The following MRPL50 variants were observed in gnomAD, a reference collection of about 807,000 sequenced individuals.
The protein encoded by MRPL50 is large ribosomal subunit protein mL50.
In MRPL50, 10 loss-of-function variants were observed where a neutral mutation model predicts 16.2. That is an observed-to-expected ratio of 0.62 (90% CI 0.38 to 1.05). The LOEUF is 1.05. Among genes scored for constraint, MRPL50 ranks in the 50% least tolerant of loss-of-function variants. MRPL50 has a pLI of 0.01. For synonymous variants in MRPL50, 68 were observed against 66.8 expected (o/e 1.02, Z -0.09); for missense variants, 213 against 187.1 (o/e 1.14, Z -0.81).
At chr9:101,398,460 C>T in intron 1 of MRPL50, 41 bp downstream of exon 1, 1 of 1,575,240 alleles carries the variant, frequency 6.3e-7, no homozygotes, top group South Asian at 1.1e-5. Flanking sequence ...TCCTCCTTAA[C>T]TTTCCTTGAA....
rs781375636 is a variant in MRPL50 at position 101,390,645 on chromosome 9, G to A, written c.298C>T (p.Leu100Phe). Residue 100 changes from leucine (L) to phenylalanine (F), a missense_variant, in exon 2 of 2, where the codon CTT (leucine) becomes TTT (phenylalanine). Coordinates refer to ENST00000374865, the MANE Select transcript of MRPL50 (RefSeq NM_019051.3). The stretch of plus-strand genomic sequence containing the variant: ...AAGTCATCAGCTAAATGAGCCAGAA[G>A]ATTGAACTTTAGACGACTATCTTCC... The part of the protein sequence containing the change: ...SLEDSRLKFN[L>F]LAHLADDLGH... 6.4e-7 allele frequency: 1 copy of A among 1,571,822 alleles called. No homozygotes were observed. The highest frequency in any genetic ancestry group is 8.7e-7 in the Non-Finnish European group (1 of 1,153,702).
chr9:101,393,790 G>A (rs1340818097), intron 1 of MRPL50, among the ~76,000 whole-genome samples: 1 of 151,642 alleles, frequency 6.6e-6, no homozygotes, highest in Non-Finnish European at 1.5e-5. Flanking sequence ...AATTGAAGGG[G>A]ACACACAAAA....
chr9:101,390,677 A>C lies in MRPL50; in HGVS notation c.266T>G (p.Ile89Ser). 6.9e-7 allele frequency: 1 copy of C among 1,458,956 alleles called. No individual in the cohort carries two copies. 90.4% of individuals were successfully genotyped at this position (1,458,956 alleles called of 1,614,324 possible). A position where few individuals can be genotyped will look rare whatever the true frequency, so the allele number is the denominator to read the frequency against. ...CTTTAGACGACTATCTTCCAGGGAGATGTCTTGCCAATTACTAGGAAGAGA... is the reference window on the plus strand; with the variant it reads ...CTTTAGACGACTATCTTCCAGGGAGCTGTCTTGCCAATTACTAGGAAGAGA... Reference protein sequence around the residue: ...GSSLPSNWQDISLEDSRLKFN... With the variant: ...GSSLPSNWQDSSLEDSRLKFN... Residue 89 changes from isoleucine (I) to serine (S), a missense_variant, in exon 2 of 2, where the codon ATC becomes AGC. Coordinates refer to ENST00000374865, the MANE Select transcript of MRPL50 (RefSeq NM_019051.3).
chr9:101,389,213 G>A lies in MRPL50; in HGVS notation c.*1253C>T. On this transcript the variant is annotated 3_prime_UTR_variant, in exon 2 of 2. Transcript: ENST00000374865. The stretch of plus-strand genomic sequence containing the variant: ...TGATTTAAAGTATATGGGAGGATGT[G>A]CATACATAATATGCAAATACTACAT... 4.8e-6 allele frequency: 1 copy of A among 206,468 alleles called. No homozygotes were observed. Among genetic ancestry groups the A allele is most frequent in the South Asian group, 6.5e-5 (1 of 15,468 alleles). The allele number at this position is 206,468 out of a possible 1,614,324, so 12.8% of individuals were successfully genotyped here.
In MRPL50 at chr9:101,389,501, T is replaced by C; in HGVS notation, c.*965A>G. On this transcript the variant is annotated 3_prime_UTR_variant, in exon 2 of 2. Coordinates refer to ENST00000374865, the MANE Select transcript of MRPL50 (RefSeq NM_019051.3). ...AAAGGAGTAACCCTGGGAAAGAGAA[T>C]AAATGCAACTTATTTTGTTAAAAAC... The C allele has an allele frequency of 7.8e-7, 1 of 1,282,946 alleles. No homozygotes were observed. The highest frequency in any genetic ancestry group is 1.0e-6 in the Non-Finnish European group (1 of 984,120). 79.5% of individuals were successfully genotyped at this position (1,282,946 alleles called of 1,614,324 possible). A position where few individuals can be genotyped will look rare whatever the true frequency, so the allele number is the denominator to read the frequency against.
chr9:101,394,212 C>T (rs10989489), intron 1 of MRPL50, among the ~76,000 whole-genome samples: 29,390 of 152,114 alleles, frequency 0.19, 3,047 homozygotes, highest in East Asian at 0.34. Flanking sequence ...AAATTAGCTA[C>T]AAGATTAGAA....
rs754035160 is a variant in MRPL50 at position 101,390,819 on chromosome 9, C to G, written c.124G>C (p.Val42Leu). 3 of 1,607,480 alleles carry G rather than the reference C, an allele frequency of 1.9e-6. No individual in the cohort carries two copies. The South Asian group carries it at 3.3e-5, about 18-fold the overall frequency. Residue 42 changes from valine (V) to leucine (L), a missense_variant, in exon 2 of 2, where the codon GTA becomes CTA. Transcript: ENST00000374865. ...AGGATAGGTTCCTTTTTCTCTTCTA[C>G]TGTCTCAACAACCACTGGCTCTTTC... ...KEKEPVVVET[V>L]EEKKEPILVC...
chr9:101,390,233 T>C lies in MRPL50; in HGVS notation c.*233A>G. The C allele has an allele frequency of 8.2e-7, 1 of 1,224,326 alleles. No individual in the cohort carries two copies. The highest frequency in any genetic ancestry group is 1.0e-6 in the Non-Finnish European group (1 of 980,544). 75.8% of individuals were successfully genotyped at this position (1,224,326 alleles called of 1,614,324 possible). A position where few individuals can be genotyped will look rare whatever the true frequency, so the allele number is the denominator to read the frequency against. On this transcript the variant is annotated 3_prime_UTR_variant, in exon 2 of 2. Transcript: ENST00000374865. ...GTGCCCTCTCAAAACTTTTCATAAA[T>C]AATGACCTAATTTCATTTAAAAAAT...
chr9:101,395,886 T>C (rs913289118), intron 1 of MRPL50, among the ~76,000 whole-genome samples: 1 of 152,184 alleles, frequency 6.6e-6, no homozygotes, highest in Non-Finnish European at 1.5e-5. Flanking sequence ...GATTTCACAA[T>C]TGGGTGACTA....
rs770763314 is a variant in MRPL50, at chr9:101,389,643, C to T, written c.*823G>A. On this transcript the variant is annotated 3_prime_UTR_variant, in exon 2 of 2. Coordinates refer to ENST00000374865, the MANE Select transcript of MRPL50 (RefSeq NM_019051.3). Reference sequence around the variant, plus strand: ...TGAAAAAAAAATCCCAAATTTAACACCTTTGTCATTCAGAACCATCTGATA... The same window carrying T: ...TGAAAAAAAAATCCCAAATTTAACATCTTTGTCATTCAGAACCATCTGATA... The T allele has an allele frequency of 5.0e-5, 18 of 360,158 alleles. No individual in the cohort carries two copies. The highest frequency in any genetic ancestry group is 6.2e-5 in the Non-Finnish European group (13 of 211,244). 22.3% of individuals were successfully genotyped at this position (360,158 alleles called of 1,614,324 possible).
At chr9:101,395,962 C>G (rs1233570845) in intron 1 of MRPL50, among the ~76,000 whole-genome samples, 1 of 152,088 alleles carries the variant, frequency 6.6e-6, no homozygotes, top group Non-Finnish European at 1.5e-5. Context: ...GTTCCCAAAA[C>G]AAAGAGATAA....
At chr9:101,394,258 G>T (rs1277377070) in intron 1 of MRPL50, among the ~76,000 whole-genome samples, 1 of 152,182 alleles carries the variant, frequency 6.6e-6, no homozygotes, top group Non-Finnish European at 1.5e-5. Context: ...CCGGCTGCAA[G>T]AGTCTGATCC....
chr9:101,390,590 T>TG lies in MRPL50; in HGVS notation c.352dup (p.His118ProfsTer7), dbSNP rs1830257779. 3.7e-6 allele frequency: 6 copies of TG among 1,613,462 alleles called. No individual in the cohort carries two copies. In the South Asian group the frequency reaches 6.6e-5, roughly 18 times the overall value. On this transcript the variant is annotated frameshift_variant, in exon 2 of 2. Transcript: ENST00000374865. LOFTEE classifies it high-confidence loss of function. ...AACATCTCTAACCCTGCACATCTGG[T>TG]GGAGTCTGGAGTTAGGGACTACATG...
intron 1 of MRPL50, among the ~76,000 whole-genome samples, chr9:101,394,094 G>A (rs1319300506): frequency 1.3e-5 from 2 of 151,820 alleles, no homozygotes; most frequent in African/African-American, 4.8e-5. Context: ...AACTAACCTT[G>A]GGAAGGAAAT....
intron 1 of MRPL50, among the ~76,000 whole-genome samples, chr9:101,391,658 C>T (rs957214375): frequency 6.6e-6 from 1 of 151,912 alleles, no homozygotes; most frequent in Non-Finnish European, 1.5e-5. Flanking sequence ...ATATATGCAA[C>T]CAATATTGGA....
chr9:101,397,825 A>T (rs1415678292), intron 1 of MRPL50, among the ~76,000 whole-genome samples: 2 of 152,208 alleles, frequency 1.3e-5, no homozygotes, highest in African/African-American at 4.8e-5. Context: ...ATCTAAGTCA[A>T]ATTAGATTTA....
chr9:101,394,667 G>A lies in MRPL50; in HGVS notation c.93-3817C>T, dbSNP rs184697313. Among the ~76,000 whole-genome samples, 27 of 152,248 alleles carry A rather than the reference G, an allele frequency of 1.8e-4. No homozygotes were observed. In the East Asian group the frequency reaches 4.4e-3, roughly 25 times the overall value. ...AGCTCTGTCTAGGCAAAGTGAACCC[G>A]TTGGGCAGTTACAAAATTATAACCC... On this transcript the variant is annotated intron_variant, in intron 1 of 1. Coordinates refer to ENST00000374865, the MANE Select transcript of MRPL50 (RefSeq NM_019051.3).
chr9:101,392,518 T>TAG (rs1382102281), intron 1 of MRPL50, among the ~76,000 whole-genome samples: 4 of 151,952 alleles, frequency 2.6e-5, no homozygotes, highest in African/African-American at 9.7e-5. Context: ...CAACTATAAG[T>TAG]CAATAGATTG....
Position 101,389,692 on chromosome 9 carries a change from CAA to C in MRPL50, c.*772_*773del, listed in dbSNP as rs1327962966. 2 of 295,920 alleles carry C rather than the reference CAA, an allele frequency of 6.8e-6. No homozygotes were observed. Among genetic ancestry groups the C allele is most frequent in the Non-Finnish European group, 1.3e-5 (2 of 157,640 alleles). 18.3% of individuals were successfully genotyped at this position (295,920 alleles called of 1,614,324 possible). ...TAACCTGCTATTTAAGTAATTTCCA[CAA>C]ATTGAGTGCATTAAAGCACAAAGAC... On this transcript the variant is annotated 3_prime_UTR_variant, in exon 2 of 2. Transcript: ENST00000374865.
Sources: allele counts gnomAD v4.1 joint callset (sites outside exome capture counted in the v4.1 genomes callset), GRCh38; gene constraint gnomAD v4.1.1; transcripts MANE v1.5; gene names NCBI Gene and HGNC (gene_info 2026-07-23, HGNC 2026-07-21).